SLC44A5: variants seen among roughly 807,000 people sequenced by gnomAD.
SLC44A5 encodes the protein choline transporter-like protein 5.
SLC44A5 carries 57 observed loss-of-function variants against 101.8 expected under a neutral mutation model. The ratio of observed to expected loss-of-function variants is 0.56; its 90% CI spans 0.45 to 0.70. SLC44A5 has a LOEUF of 0.70. Ranked by LOEUF, SLC44A5 falls within the 30% of genes least tolerant of loss-of-function variation. SLC44A5 has a pLI of 0.00. For missense variants in SLC44A5, 737 were observed against 853.1 expected (o/e 0.86, Z 1.70); for synonymous variants, 281 against 290.9 (o/e 0.97, Z 0.35).
intron 6 of SLC44A5, among the ~76,000 whole-genome samples, chr1:75,262,413 T>A (rs1650600400): frequency 6.6e-6 from 1 of 152,058 alleles, no homozygotes; most frequent in African/African-American, 2.4e-5. Context: ...TACCTAGGAA[T>A]CCAACTTACA....
At chr1:75,656,451 C>A in the SLC44A5 span, among the ~76,000 whole-genome samples, 1 of 152,056 alleles carries the variant, frequency 6.6e-6, no homozygotes, top group Non-Finnish European at 1.5e-5. Flanking sequence ...ATAACTACAA[C>A]AATTTGTTGA....
chr1:75,323,736 A>T (rs1656363060), intron 4 of SLC44A5, among the ~76,000 whole-genome samples: 1 of 152,132 alleles, frequency 6.6e-6, no homozygotes, highest in Admixed American at 6.5e-5. Context: ...CTGCTACCTT[A>T]GGTTTTGGCT....
At chr1:75,691,283 C>G in the SLC44A5 span, among the ~76,000 whole-genome samples, 2 of 152,058 alleles carry the variant, frequency 1.3e-5, no homozygotes, top group Non-Finnish European at 2.9e-5. Flanking sequence ...TTTTAGCCAT[C>G]TAAAGGAAAA....
At chr1:75,516,218 T>C (rs1190530433) in intron 2 of SLC44A5, among the ~76,000 whole-genome samples, 1 of 152,128 alleles carries the variant, frequency 6.6e-6, no homozygotes, top group Non-Finnish European at 1.5e-5. Context: ...TGAGTTCCCA[T>C]AGATAATAAA....
intron 2 of SLC44A5, among the ~76,000 whole-genome samples, chr1:75,451,620 G>A (rs1220188789): frequency 1.3e-5 from 2 of 152,044 alleles, no homozygotes; most frequent in Non-Finnish European, 2.9e-5. Flanking sequence ...CTGGCACCAT[G>A]GAAAATCTGA....
chr1:75,615,813 G>C, upstream of SLC44A5: 2 of 971,376 alleles, frequency 2.1e-6, no homozygotes, highest in Non-Finnish European at 2.5e-6. Context: ...GGGCGGGTGA[G>C]AGAGGGGAGG....
intron 1 of SLC44A5, among the ~76,000 whole-genome samples, chr1:75,545,534 G>C (rs1182189836): frequency 6.6e-6 from 1 of 152,120 alleles, no homozygotes; most frequent in Non-Finnish European, 1.5e-5. Flanking sequence ...ACATTTCTCA[G>C]TATAACATGT....
At chr1:75,650,323 A>C in the SLC44A5 span, among the ~76,000 whole-genome samples, 1 of 152,204 alleles carries the variant, frequency 6.6e-6, no homozygotes, top group African/African-American at 2.4e-5. Context: ...TCTTAATACT[A>C]CAAATTTTAT....
the SLC44A5 span, among the ~76,000 whole-genome samples, chr1:75,670,164 T>C: frequency 0.028 from 4,230 of 152,226 alleles, 88 homozygotes; most frequent in South Asian, 0.063. Context: ...AAAATAGTCA[T>C]ATTTCTAACC....
At chr1:75,451,800 T>C (rs1021272275) in intron 2 of SLC44A5, among the ~76,000 whole-genome samples, 5 of 151,922 alleles carry the variant, frequency 3.3e-5, no homozygotes, top group Non-Finnish European at 7.4e-5. Context: ...TCAGACAAAA[T>C]TTTTTTAAAA....
intron 3 of SLC44A5, among the ~76,000 whole-genome samples, chr1:75,371,932 C>G (rs1307137543): frequency 1.3e-5 from 2 of 152,198 alleles, no homozygotes; most frequent in African/African-American, 4.8e-5. Context: ...CGCAGTGGCT[C>G]AAGCCCGTAA....
intron 2 of SLC44A5, among the ~76,000 whole-genome samples, chr1:75,445,084 C>T (rs1437031073): frequency 6.6e-6 from 1 of 152,152 alleles, no homozygotes; most frequent in Admixed American, 6.6e-5. Context: ...TATTTGTCCA[C>T]TCCAAATCTC....
chr1:75,569,238 CTTTT>C (rs566440021), intron 1 of SLC44A5, among the ~76,000 whole-genome samples: 2 of 112,872 alleles, frequency 1.8e-5, no homozygotes, highest in Non-Finnish European at 3.6e-5. Flanking sequence ...TCATCTCTAC[CTTTT>C]TTTTTTTTTT....
chr1:75,694,172 A>T, the SLC44A5 span, among the ~76,000 whole-genome samples: 1 of 151,984 alleles, frequency 6.6e-6, no homozygotes, highest in Non-Finnish European at 1.5e-5. Context: ...ACCTTTGAGT[A>T]GGCAAGAAGG....
At chr1:75,369,260 C>G (rs1185853668) in intron 3 of SLC44A5, among the ~76,000 whole-genome samples, 2 of 151,964 alleles carry the variant, frequency 1.3e-5, no homozygotes, top group African/African-American at 4.8e-5. Flanking sequence ...TCAAGCTATC[C>G]TCCTTCCTCA....
chr1:75,280,442 A>ATATT lies in SLC44A5; in HGVS notation c.176-5401_176-5400insAATA, dbSNP rs1557614237. 2.5e-4 allele frequency among the ~76,000 whole-genome samples: 6 copies of ATATT among 23,804 alleles called. 1 individual carries two copies. The highest frequency in any genetic ancestry group is 1.5e-3 in the African/African-American group (6 of 3,964). The allele number at this position is 23,804 out of a possible 152,430, so 15.6% of individuals were successfully genotyped here. On this transcript the variant is annotated intron_variant, in intron 5 of 23. Transcript: ENST00000370859. ...TATATATATTGTATATATTATATAT[A>ATATT]GTATATATTATATATAGTATATATA... is the stretch of plus-strand genomic sequence containing the variant.
intron 1 of SLC44A5, among the ~76,000 whole-genome samples, chr1:75,561,961 G>A (rs1672538820): frequency 6.6e-6 from 1 of 151,942 alleles, no homozygotes; most frequent in South Asian, 2.1e-4. Context: ...TTGGGAGGGA[G>A]GGAGGAGGTA....
At chr1:75,690,306 C>T in the SLC44A5 span, among the ~76,000 whole-genome samples, 4 of 136,716 alleles carry the variant, frequency 2.9e-5, no homozygotes, top group Non-Finnish European at 6.6e-5. Flanking sequence ...CTTGTAAAAC[C>T]ATCAGATCTC....
At chr1:75,606,087 T>C (rs1276308005) in intron 1 of SLC44A5, among the ~76,000 whole-genome samples, 1 of 151,840 alleles carries the variant, frequency 6.6e-6, no homozygotes, top group African/African-American at 2.4e-5. Flanking sequence ...TTAGGCTAGT[T>C]CCCGCACAAT....
Sources: gnomAD v4.1 joint callset for allele counts (sites outside exome capture counted in the v4.1 genomes callset) on GRCh38, gnomAD v4.1.1 for gene constraint, MANE v1.5 for transcripts, NCBI Gene and HGNC (gene_info 2026-07-23, HGNC 2026-07-21) for gene names.